Variants in ARHGAP32 observed in about 807,000 individuals in gnomAD.
ARHGAP32 encodes Rho GTPase activating protein 32.
A neutral mutation model predicts 186.5 loss-of-function variants in ARHGAP32; 51 were observed. The observed-to-expected ratio is 0.27, with a 90% CI of 0.22 to 0.35. The LOEUF is 0.35. ARHGAP32 is among the 10% of genes least tolerant of loss of function. The probability of loss-of-function intolerance (pLI) is 1.00; values close to 1 mark genes in which losing one functional copy is unlikely to be tolerated. For synonymous variants in ARHGAP32, 950 were observed against 964.3 expected (o/e 0.99, Z 0.27); for missense variants, 2,186 against 2,623.5 (o/e 0.83, Z 3.64).
At chr11:129,195,687 C>A (rs988624734), upstream of ARHGAP32, among the ~76,000 whole-genome samples, 1 of 152,006 alleles carries the variant, frequency 6.6e-6, no homozygotes, top group African/African-American at 2.4e-5. Context: ...GCGCTCCAGC[C>A]TGGAAGACAA....
intron 11 of ARHGAP32, among the ~76,000 whole-genome samples, chr11:129,039,690 T>C (rs920306819): frequency 8.5e-5 from 13 of 152,312 alleles, no homozygotes; most frequent in Middle Eastern, 3.4e-3. Context: ...AAAGGGTAAA[T>C]TGCACGATAT....
chr11:129,087,279 G>A (rs1183271457), intron 6 of ARHGAP32, among the ~76,000 whole-genome samples: 2 of 152,202 alleles, frequency 1.3e-5, no homozygotes, highest in Non-Finnish European at 2.9e-5. Flanking sequence ...TGTCCACACA[G>A]AAACCTGCGT....
chr11:128,992,641 G>A (rs1416655705), intron 12 of ARHGAP32, among the ~76,000 whole-genome samples: 1 of 151,958 alleles, frequency 6.6e-6, no homozygotes, highest in African/African-American at 2.4e-5. Flanking sequence ...AAAAAAATTA[G>A]CCAGGCATGG....
intron 2 of ARHGAP32, among the ~76,000 whole-genome samples, chr11:129,158,130 T>G (rs537566618): frequency 3.0e-4 from 45 of 152,082 alleles, no homozygotes; most frequent in Admixed American, 2.6e-4. Flanking sequence ...CATACCAAAT[T>G]GTAAAGACCA....
At chr11:129,022,908 A>T (rs767965066) in intron 11 of ARHGAP32, among the ~76,000 whole-genome samples, 4 of 152,114 alleles carry the variant, frequency 2.6e-5, no homozygotes, top group Admixed American at 2.0e-4. Flanking sequence ...ATTCTTTTTT[A>T]AAAAAAGAAA....
intron 6 of ARHGAP32, among the ~76,000 whole-genome samples, chr11:129,083,603 A>T (rs1372109056): frequency 6.6e-6 from 1 of 152,160 alleles, no homozygotes; most frequent in African/African-American, 2.4e-5. Flanking sequence ...AAGACAACAC[A>T]TTGTGCACAG....
chr11:129,116,570 T>G (rs1207455458), intron 5 of ARHGAP32, among the ~76,000 whole-genome samples: 2 of 152,102 alleles, frequency 1.3e-5, no homozygotes, highest in Admixed American at 6.6e-5. Context: ...ATGGGTTTTA[T>G]TTCAAATGAT....
chr11:129,206,752 CTTTT>C (rs796713060), intron 1 of ARHGAP32, among the ~76,000 whole-genome samples: 4 of 143,698 alleles, frequency 2.8e-5, no homozygotes, highest in Non-Finnish European at 6.2e-5. Flanking sequence ...GTAAGCCATT[CTTTT>C]TTTTTTTTAT....
chr11:129,046,019 C>T (rs927139796), intron 10 of ARHGAP32, among the ~76,000 whole-genome samples: 3 of 152,138 alleles, frequency 2.0e-5, no homozygotes, highest in African/African-American at 7.2e-5. Context: ...ACCAGACATG[C>T]TAATCTATAC....
intron 11 of ARHGAP32, among the ~76,000 whole-genome samples, chr11:129,009,573 T>G (rs1031307520): frequency 1.1e-4 from 16 of 152,188 alleles, no homozygotes; most frequent in Admixed American, 8.5e-4. Flanking sequence ...CACTTATAAG[T>G]GAGAACATGC....
chr11:128,982,158 A>T (rs1278683765), intron 15 of ARHGAP32, among the ~76,000 whole-genome samples: 1 of 152,212 alleles, frequency 6.6e-6, no homozygotes, highest in African/African-American at 2.4e-5. Context: ...TTTTGAAGTT[A>T]TGCCATTCTA....
At chr11:129,032,691 T>C (rs890341565) in intron 11 of ARHGAP32, among the ~76,000 whole-genome samples, 5 of 152,232 alleles carry the variant, frequency 3.3e-5, no homozygotes, top group African/African-American at 1.2e-4. Context: ...CATTTGTGTA[T>C]TAAAGCAATA....
intron 1 of ARHGAP32, among the ~76,000 whole-genome samples, chr11:129,250,634 CAAAGT>C (rs1189001872): frequency 6.6e-6 from 1 of 152,200 alleles, no homozygotes; most frequent in East Asian, 1.9e-4. Context: ...TCCTACCATC[CAAAGT>C]GAAACCTTAT....
At chr11:129,269,414 G>A (rs967569867) in intron 1 of ARHGAP32, among the ~76,000 whole-genome samples, 2 of 152,110 alleles carry the variant, frequency 1.3e-5, no homozygotes, top group Admixed American at 6.5e-5. Flanking sequence ...GAGGACGAAG[G>A]CAGCCATGAC....
intron 1 of ARHGAP32, among the ~76,000 whole-genome samples, chr11:129,243,386 A>T (rs1278227540): frequency 6.6e-6 from 1 of 152,222 alleles, no homozygotes; most frequent in Non-Finnish European, 1.5e-5. Flanking sequence ...TATTACTAAC[A>T]ATCATAAATA....
At chr11:128,981,800 C>T (rs746750281) in intron 16 of ARHGAP32, 29 bp downstream of exon 16, 3 of 1,491,366 alleles carry the variant, frequency 2.0e-6, no homozygotes, top group Non-Finnish European at 2.8e-6. Context: ...ATTAGTTCTA[C>T]TAAAATTAAT....
intron 2 of ARHGAP32, among the ~76,000 whole-genome samples, chr11:129,153,273 T>C (rs1943329480): frequency 6.6e-6 from 1 of 152,070 alleles, no homozygotes; most frequent in Non-Finnish European, 1.5e-5. Context: ...TGTTCGTGGA[T>C]GGGTAGAATC....
intron 6 of ARHGAP32, among the ~76,000 whole-genome samples, chr11:129,074,799 A>T (rs973142580): frequency 9.9e-5 from 15 of 152,144 alleles, no homozygotes; most frequent in Middle Eastern, 3.4e-3. Context: ...GCCTAAAAAA[A>T]TTTTTTTTAA....
intron 5 of ARHGAP32, among the ~76,000 whole-genome samples, chr11:129,097,145 CAG>C (rs1941752828): frequency 6.6e-6 from 1 of 151,130 alleles, no homozygotes. Flanking sequence ...TATAAAGAAA[CAG>C]AAAGTATGAA....
Sources: allele counts gnomAD v4.1 joint callset (sites outside exome capture counted in the v4.1 genomes callset), GRCh38; gene constraint gnomAD v4.1.1; transcripts MANE v1.5; gene names NCBI Gene and HGNC (gene_info 2026-07-23, HGNC 2026-07-21).